The following OPRD1 variants were observed in gnomAD, a reference collection of about 807,000 sequenced individuals.
OPRD1 encodes opioid receptor delta 1, also known as delta-type opioid receptor.
A neutral mutation model predicts 17.5 loss-of-function variants in OPRD1; 19 were observed. That is an observed-to-expected ratio of 1.09 (90% CI 0.76 to 1.60). The LOEUF (loss-of-function observed/expected upper bound fraction) is 1.60. Among genes scored for constraint, OPRD1 ranks in the 40% most tolerant of loss-of-function variants. OPRD1 has a pLI of 0.00. For missense variants in OPRD1, 483 were observed against 547.2 expected, an observed-to-expected ratio of 0.88 and a Z score of 1.17; for synonymous variants, 256 against 240.9, an observed-to-expected ratio of 1.06 and a Z score of -0.58.
Position 28,847,145 on chromosome 1 carries a change from G to A in OPRD1, c.228-11809G>A, listed in dbSNP as rs531423294. On this transcript the variant is annotated intron_variant, in intron 1 of 2. Transcript: ENST00000234961. ...CAGCTCACTGCAACCTCTGCCTCCC[G>A]GGTTCAACCAATTCTCCTACTTCAG... Among the ~76,000 whole-genome samples, 298 of 151,516 alleles carry A rather than the reference G, an allele frequency of 2.0e-3. 1 individual carries two copies. Among genetic ancestry groups the A allele is most frequent in the Middle Eastern group, 0.017 (5 of 294 alleles).
At chr1:28,850,831 T>TAAC (rs1343034322) in intron 1 of OPRD1, among the ~76,000 whole-genome samples, 1 of 133,068 alleles carries the variant, frequency 7.5e-6, no homozygotes, top group Admixed American at 7.6e-5. Context: ...ATAATAATAA[T>TAAC]AAAAGGTCAA....
At chr1:28,824,721 TG>T (rs1411626521) in intron 1 of OPRD1, among the ~76,000 whole-genome samples, 2 of 152,174 alleles carry the variant, frequency 1.3e-5, no homozygotes, top group Non-Finnish European at 2.9e-5. Context: ...GAGGTGAGTG[TG>T]TTGCCCCCAT....
intron 1 of OPRD1, among the ~76,000 whole-genome samples, chr1:28,836,919 C>T (rs941443939): frequency 5.9e-5 from 9 of 152,084 alleles, no homozygotes; most frequent in African/African-American, 7.2e-5. Context: ...AGTTTTCCAT[C>T]GATGGGGGCA....
chr1:28,815,907 C>T (rs116189587), intron 1 of OPRD1, among the ~76,000 whole-genome samples: 3,320 of 152,136 alleles, frequency 0.022, 115 homozygotes, highest in African/African-American at 0.076. Flanking sequence ...TGGCTCTGGA[C>T]CAGACATATC....
rs770467484 is a variant in OPRD1 at position 28,812,613 on chromosome 1, G to A, written c.227+3G>A. On this transcript the variant is annotated splice_donor_region_variant and intron_variant, in intron 1 of 2. Coordinates refer to ENST00000234961, the MANE Select transcript of OPRD1 (RefSeq NM_000911.4). The stretch of plus-strand genomic sequence containing the variant: ...CTTGTCATGTTCGGCATCGTCCGGT[G>A]AGTCCGCTGCGGGCCGGCGCCGCAG... 2 of 1,508,102 alleles carry A rather than the reference G, an allele frequency of 1.3e-6. No individual in the cohort carries two copies. The highest frequency in any genetic ancestry group is 2.4e-5 in the South Asian group (2 of 81,950). 93.4% of individuals were successfully genotyped at this position (1,508,102 alleles called of 1,614,324 possible).
Position 28,870,063 on chromosome 1 carries a change from C to T in OPRD1, c.*6780C>T, listed in dbSNP as rs1232040736. 1 of 152,062 alleles carries T rather than the reference C, an allele frequency of 6.6e-6. No individual in the cohort carries two copies. The highest frequency in any genetic ancestry group is 1.5e-5 in the Non-Finnish European group (1 of 68,020). The allele number at this position is 152,062 out of a possible 1,614,324, so 9.4% of individuals were successfully genotyped here. A position where few individuals can be genotyped will look rare whatever the true frequency, so the allele number is the denominator to read the frequency against. On this transcript the variant is annotated 3_prime_UTR_variant, in exon 3 of 3. Coordinates refer to ENST00000234961, the MANE Select transcript of OPRD1 (RefSeq NM_000911.4). ...TCAGAAAGAGGCTATGAGTGAAGGA[C>T]CTTGTCTGTTTTGGTCATGAAAGTG...
chr1:28,858,483 G>C (rs568627123), intron 1 of OPRD1, among the ~76,000 whole-genome samples: 1 of 151,662 alleles, frequency 6.6e-6, no homozygotes, highest in Non-Finnish European at 1.5e-5. Flanking sequence ...TTCTGTTGTC[G>C]GGGAAAGGAG....
chr1:28,838,007 C>G (rs1435279238), intron 1 of OPRD1, among the ~76,000 whole-genome samples: 1 of 151,660 alleles, frequency 6.6e-6, no homozygotes, highest in African/African-American at 2.4e-5. Flanking sequence ...CTTTCCTCCT[C>G]TGTACACTGA....
intron 1 of OPRD1, among the ~76,000 whole-genome samples, chr1:28,838,985 C>T (rs920318314): frequency 6.6e-6 from 1 of 152,146 alleles, no homozygotes; most frequent in East Asian, 1.9e-4. Flanking sequence ...CATCGTGGCA[C>T]ACTACTGCCT....
At position 28,870,911 on chromosome 1, in the gene OPRD1, G is replaced by A. The variant is rs1033035121; in HGVS notation, c.*7628G>A. On this transcript the variant is annotated 3_prime_UTR_variant, in exon 3 of 3. Coordinates refer to ENST00000234961, the MANE Select transcript of OPRD1 (RefSeq NM_000911.4). The stretch of plus-strand genomic sequence containing the variant: ...CTTCATTGTCCACTTCATTGCTGTG[G>A]TGTTGGGCAGGTCTCTGTCCCTCTC... The A allele has an allele frequency of 6.6e-6, 1 of 152,296 alleles. No individual in the cohort carries two copies. Among genetic ancestry groups the A allele is most frequent in the Non-Finnish European group, 1.5e-5 (1 of 68,098 alleles). 9.4% of individuals were successfully genotyped at this position (152,296 alleles called of 1,614,324 possible). A position where few individuals can be genotyped will look rare whatever the true frequency, so the allele number is the denominator to read the frequency against.
At chr1:28,852,164 T>TAAAAAAAAAAAAAAAAAAAAAA (rs71030305) in intron 1 of OPRD1, among the ~76,000 whole-genome samples, 7 of 86,736 alleles carry the variant, frequency 8.1e-5, no homozygotes, top group Non-Finnish European at 8.7e-5. Context: ...AAACTCCATG[T>TAAAAAAAAAAAAAAAAAAAAAA]AAAAAAAAAA....
intron 1 of OPRD1, among the ~76,000 whole-genome samples, chr1:28,850,296 C>T (rs1381550011): frequency 6.6e-6 from 1 of 151,876 alleles, no homozygotes; most frequent in African/African-American, 2.4e-5. Flanking sequence ...CGAGACCAGC[C>T]TAGGCAACAT....
At chr1:28,859,678 A>G (rs1224799404) in intron 2 of OPRD1, among the ~76,000 whole-genome samples, 3 of 152,170 alleles carry the variant, frequency 2.0e-5, no homozygotes, top group Non-Finnish European at 4.4e-5. Context: ...AGATGGTTGG[A>G]TGTCCAGTGA....
chr1:28,827,284 AG>A (rs1450144109), intron 1 of OPRD1, among the ~76,000 whole-genome samples: 1 of 152,196 alleles, frequency 6.6e-6, no homozygotes, highest in African/African-American at 2.4e-5. Flanking sequence ...TGACAGAGCA[AG>A]ACCCTGTCTC....
chr1:28,824,671 G>A (rs797397), intron 1 of OPRD1, among the ~76,000 whole-genome samples: 69,759 of 151,700 alleles, frequency 0.46, 17,976 homozygotes, highest in East Asian at 0.8. Context: ...GCCTAGAGAT[G>A]TATATATATT....
chr1:28,831,488 G>A (rs1172766574), intron 1 of OPRD1, among the ~76,000 whole-genome samples: 3 of 143,484 alleles, frequency 2.1e-5, no homozygotes, highest in Admixed American at 7.3e-5. Flanking sequence ...CAGCCTGGGC[G>A]ACAGAGTGAG....
intron 1 of OPRD1, among the ~76,000 whole-genome samples, chr1:28,830,483 C>T (rs4654376): frequency 0.34 from 51,089 of 151,882 alleles, 8,732 homozygotes; most frequent in Middle Eastern, 0.48. Context: ...GTGATAGTGC[C>T]ACTGTACTCC....
chr1:28,855,719 G>C (rs2089051034), intron 1 of OPRD1, among the ~76,000 whole-genome samples: 1 of 152,218 alleles, frequency 6.6e-6, no homozygotes, highest in Admixed American at 6.5e-5. Flanking sequence ...CAAAATAGCA[G>C]GCAAAGAACA....
chr1:28,854,872 G>A (rs1213187469), intron 1 of OPRD1, among the ~76,000 whole-genome samples: 5 of 151,724 alleles, frequency 3.3e-5, no homozygotes, highest in African/African-American at 9.7e-5. Context: ...GGCTGGTCTC[G>A]AACTCCTGAC....
Sources: gnomAD v4.1 joint callset for allele counts (sites outside exome capture counted in the v4.1 genomes callset) on GRCh38, gnomAD v4.1.1 for gene constraint, MANE v1.5 for transcripts, NCBI Gene and HGNC (gene_info 2026-07-23, HGNC 2026-07-21) for gene names.